The following MYO1D variants were observed in gnomAD, a reference collection of about 807,000 sequenced individuals.
MYO1D encodes unconventional myosin-Id.
MYO1D carries 83 observed loss-of-function variants against 122.0 expected under a neutral mutation model. That is an observed-to-expected ratio of 0.68 (90% CI 0.57 to 0.82). The LOEUF (loss-of-function observed/expected upper bound fraction) is 0.82, where lower values mean the gene tolerates loss of function less well. Among genes scored for constraint, MYO1D ranks in the 40% least tolerant of loss-of-function variants. MYO1D has a pLI of 0.00. For missense variants in MYO1D, 1,157 were observed against 1,269.5 expected (o/e 0.91, Z 1.35); for synonymous variants, 464 against 446.9 (o/e 1.04, Z -0.48).
At chr17:32,551,325 A>T (rs2087013367) in intron 21 of MYO1D, among the ~76,000 whole-genome samples, 1 of 152,204 alleles carries the variant, frequency 6.6e-6, no homozygotes. Flanking sequence ...ATATATTAAG[A>T]AAACCACACA....
At chr17:32,739,256 A>G (rs914585072) in intron 13 of MYO1D, among the ~76,000 whole-genome samples, 6 of 150,432 alleles carry the variant, frequency 4.0e-5, no homozygotes, top group Non-Finnish European at 8.9e-5. Flanking sequence ...ATGTCCATCA[A>G]TGATAGACTG....
intron 20 of MYO1D, among the ~76,000 whole-genome samples, chr17:32,619,063 G>C (rs1279631403): frequency 6.6e-6 from 1 of 152,202 alleles, no homozygotes; most frequent in South Asian, 2.1e-4. Flanking sequence ...TCCTGGGCTC[G>C]TCTTGTAACT....
At chr17:32,834,972 A>T in intron 1 of MYO1D, among the ~76,000 whole-genome samples, 1 of 152,206 alleles carries the variant, frequency 6.6e-6, no homozygotes, top group South Asian at 2.1e-4. Flanking sequence ...AGATCGCGCC[A>T]CTGCATTCCA....
chr17:32,733,140 G>C (rs1043170487), intron 14 of MYO1D, among the ~76,000 whole-genome samples: 1 of 152,186 alleles, frequency 6.6e-6, no homozygotes, highest in African/African-American at 2.4e-5. Flanking sequence ...GTGGAATCCA[G>C]GCTGGTAGGG....
rs773647733 is a variant in MYO1D at position 32,745,227 on chromosome 17, G to A, written c.1597C>T (p.Arg533Cys). 7.9e-6 allele frequency: 12 copies of A among 1,526,538 alleles called. No individual in the cohort carries two copies. Among genetic ancestry groups the A allele is most frequent in the Admixed American group, 7.0e-5 (4 of 57,200 alleles). 94.6% of individuals were successfully genotyped at this position (1,526,538 alleles called of 1,614,324 possible). A position where few individuals can be genotyped will look rare whatever the true frequency, so the allele number is the denominator to read the frequency against. Residue 533 changes from arginine to cysteine, a missense_variant, in exon 13 of 22, where the codon CGC (arginine) becomes TGC (cysteine). By Grantham distance (180) the Arg-to-Cys change is radical (BLOSUM62 -3). Transcript: ENST00000318217. The stretch of plus-strand genomic sequence containing the variant: ...CAATCTTACCTGTTATACATAAGGC[G>A]CTTGAAATCTTGAAATAAAGTATCT... ...NKDTLFQDFKRLMYNSSNPVL... is the reference protein window; with the variant it reads ...NKDTLFQDFKCLMYNSSNPVL...
In MYO1D at chr17:32,682,721, C is replaced by T. The variant is rs1356872848; in HGVS notation, c.2122-23383G>A. ...TCAACTTTGGTGAATCTGACAATTA[C>T]GTGTCTTGGAGTTGCTCTTCTCGAG... On this transcript the variant is annotated intron_variant, in intron 16 of 21. Coordinates refer to ENST00000318217, the MANE Select transcript of MYO1D (RefSeq NM_015194.3). Among the ~76,000 whole-genome samples the T allele has an allele frequency of 2.9e-4, 34 of 117,960 alleles. 1 individual carries two copies. The highest frequency in any genetic ancestry group is 6.4e-4 in the African/African-American group (17 of 26,642). The allele number at this position is 117,960 out of a possible 152,430, so 77.4% of individuals were successfully genotyped here.
chr17:32,746,114 C>A (rs1033577412), intron 12 of MYO1D, among the ~76,000 whole-genome samples: 1 of 152,212 alleles, frequency 6.6e-6, no homozygotes, highest in Non-Finnish European at 1.5e-5. Flanking sequence ...GATCTCTAAC[C>A]CGGATTCCTT....
intron 11 of MYO1D, among the ~76,000 whole-genome samples, chr17:32,753,100 A>G (rs1449682030): frequency 6.6e-6 from 1 of 152,254 alleles, no homozygotes; most frequent in Admixed American, 6.5e-5. Flanking sequence ...GCCATAAAAA[A>G]GAATGAAACC....
At chr17:32,745,620 G>A (rs560412758) in intron 12 of MYO1D, 23 of 203,746 alleles carry the variant, frequency 1.1e-4, no homozygotes, top group South Asian at 5.9e-4. Flanking sequence ...AGTCTCATCC[G>A]TAGGGAGGTC....
intron 16 of MYO1D, among the ~76,000 whole-genome samples, chr17:32,669,173 ATAG>A (rs1479370480): frequency 2.0e-5 from 3 of 152,306 alleles, no homozygotes; most frequent in East Asian, 3.9e-4. Flanking sequence ...CAACTAAGAA[ATAG>A]TAGATGTGGG....
At chr17:32,732,231 G>A (rs570968523) in intron 14 of MYO1D, among the ~76,000 whole-genome samples, 129 of 152,318 alleles carry the variant, frequency 8.5e-4, no homozygotes, top group African/African-American at 3.0e-3. Context: ...ATGGTGGCAG[G>A]AGGCAGACAG....
intron 21 of MYO1D, among the ~76,000 whole-genome samples, chr17:32,560,982 A>AT (rs2150890182): frequency 6.9e-6 from 1 of 143,908 alleles, no homozygotes; most frequent in South Asian, 2.2e-4. Context: ...TGTGATCTCG[A>AT]TTCACTGCTA....
chr17:32,746,916 G>T (rs563030263), intron 12 of MYO1D, among the ~76,000 whole-genome samples: 1 of 152,306 alleles, frequency 6.6e-6, no homozygotes, highest in South Asian at 2.1e-4. Context: ...AAATGAAGTG[G>T]CTGGTCTAGG....
intron 21 of MYO1D, among the ~76,000 whole-genome samples, chr17:32,575,000 C>T (rs919451838): frequency 1.3e-5 from 2 of 152,112 alleles, no homozygotes; most frequent in African/African-American, 4.8e-5. Context: ...ATAAATAAGA[C>T]AGTTTATGTA....
intron 21 of MYO1D, among the ~76,000 whole-genome samples, chr17:32,559,952 C>T (rs78097433): frequency 0.071 from 10,781 of 152,270 alleles, 507 homozygotes; most frequent in Middle Eastern, 0.13. Context: ...TATAGAAACC[C>T]TCATCCAACT....
Position 32,704,290 on chromosome 17 carries a change from A to G in MYO1D, c.2121+7698T>C, listed in dbSNP as rs976718666. 2.0e-5 allele frequency among the ~76,000 whole-genome samples: 3 copies of G among 152,202 alleles called. No individual in the cohort carries two copies. In the East Asian group the frequency reaches 5.8e-4, roughly 29 times the overall value. On this transcript the variant is annotated intron_variant, in intron 16 of 21. Transcript: ENST00000318217. ...CCTTTATAAAAATCTCACTGGCTAC[A>G]TTGATTCATTTCTTTTAATGGGTAT...
intron 21 of MYO1D, among the ~76,000 whole-genome samples, chr17:32,566,498 A>C (rs1457469930): frequency 6.6e-6 from 1 of 152,024 alleles, no homozygotes; most frequent in Non-Finnish European, 1.5e-5. Flanking sequence ...GCCTGCAGGT[A>C]AGTGCAGGAA....
intron 21 of MYO1D, among the ~76,000 whole-genome samples, chr17:32,575,632 C>T (rs756503656): frequency 6.6e-6 from 1 of 152,182 alleles, no homozygotes; most frequent in Non-Finnish European, 1.5e-5. Context: ...ATGGACTTCA[C>T]CCCCCATTCC....
intron 21 of MYO1D, among the ~76,000 whole-genome samples, chr17:32,523,106 C>T (rs1446836631): frequency 2.6e-5 from 4 of 152,204 alleles, no homozygotes; most frequent in Admixed American, 1.3e-4. Context: ...TGAGCAACCA[C>T]GCCTGGCCCC....
Sources: allele counts gnomAD v4.1 joint callset (sites outside exome capture counted in the v4.1 genomes callset), GRCh38; gene constraint gnomAD v4.1.1; transcripts MANE v1.5; gene names NCBI Gene and HGNC (gene_info 2026-07-23, HGNC 2026-07-21).